DUSP16: variants seen among roughly 807,000 people sequenced by gnomAD.
DUSP16 encodes dual specificity protein phosphatase 16.
A neutral mutation model predicts 58.3 loss-of-function variants in DUSP16; 21 were observed. The observed-to-expected ratio is 0.36, with a 90% confidence interval of 0.26 to 0.52. The LOEUF (loss-of-function observed/expected upper bound fraction) is 0.52, where lower values mean the gene tolerates loss of function less well. Ranked by LOEUF, DUSP16 falls within the 20% of genes least tolerant of loss-of-function variation. DUSP16 has a pLI of 0.94. For missense variants in DUSP16, 726 were observed against 819.0 expected, an observed-to-expected ratio of 0.89 and a Z score of 1.39; for synonymous variants, 320 against 323.8, an observed-to-expected ratio of 0.99 and a Z score of 0.12.
chr12:12,486,898 G>C, intron 5 of DUSP16, 130 bp downstream of exon 5: 1 of 1,049,048 alleles, frequency 9.5e-7, no homozygotes. Flanking sequence ...TGCACCACGT[G>C]CTGTTTTCAG....
At position 12,514,947 on chromosome 12, in the gene DUSP16, C is replaced by G. The variant is rs150756542; in HGVS notation, c.367+4915G>C. Reference sequence around the variant, plus strand: ...GTGTTGGGAATACAGGCATAAGCCACCATGCCTGGCACCTTGTACAATTTC... The same window carrying G: ...GTGTTGGGAATACAGGCATAAGCCAGCATGCCTGGCACCTTGTACAATTTC... On this transcript the variant is annotated intron_variant, in intron 3 of 6. Coordinates refer to ENST00000298573, the MANE Select transcript of DUSP16 (RefSeq NM_030640.3). Among the ~76,000 whole-genome samples the G allele has an allele frequency of 9.4e-3, 1,439 of 152,276 alleles. 73 individuals are homozygous for G. The highest frequency in any genetic ancestry group is 0.088 in the Admixed American group (1,350 of 15,292).
In DUSP16 at chr12:12,500,649, C is replaced by T. The variant is rs1217184356; in HGVS notation, c.401G>A (p.Gly134Asp). 6.2e-7 allele frequency: 1 copy of T among 1,600,578 alleles called. No homozygotes were observed. The highest frequency in any genetic ancestry group is 1.7e-5 in the Admixed American group (1 of 57,240). ...TAGAGTGGATTTTCCTTCACAGAGG[C>T]CAGGGAAACAACGAGAGAACTCAGC... ...GFAEFSRCFP[G>D]LCEGKSTLVP... Residue 134 changes from glycine to aspartate, a missense_variant, in exon 4 of 7, where the codon GGC becomes GAC. Gly to Asp is a moderately conservative substitution (Grantham distance 94). Transcript: ENST00000298573.
At chr12:12,490,460 A>T (rs891147277) in intron 4 of DUSP16, among the ~76,000 whole-genome samples, 18 of 152,240 alleles carry the variant, frequency 1.2e-4, no homozygotes, top group African/African-American at 4.3e-4. Flanking sequence ...TACTAAATTA[A>T]ATATCATAAA....
intron 1 of DUSP16, among the ~76,000 whole-genome samples, chr12:12,542,388 G>GA (rs56822339): frequency 0.035 from 3,840 of 109,590 alleles, 76 homozygotes; most frequent in Middle Eastern, 0.066. Context: ...AAAGAAAAGA[G>GA]AAAAAAAAAA....
At chr12:12,521,533 G>A (rs1010269549) in intron 1 of DUSP16, 70 bp from the exon 2 acceptor site, 1 of 633,184 alleles carries the variant, frequency 1.6e-6, no homozygotes. Flanking sequence ...TCAGATTAGA[G>A]AGAGTGTATG....
At chr12:12,497,308 A>G (rs1413644115) in intron 4 of DUSP16, among the ~76,000 whole-genome samples, 3 of 152,370 alleles carry the variant, frequency 2.0e-5, no homozygotes, top group African/African-American at 7.2e-5. Context: ...TGTTGCAGAA[A>G]AAACAGGGAA....
chr12:12,513,042 A>G (rs527703895), intron 3 of DUSP16, among the ~76,000 whole-genome samples: 35 of 152,356 alleles, frequency 2.3e-4, no homozygotes, highest in African/African-American at 8.4e-4. Flanking sequence ...TGTCATCAGA[A>G]TCTAGATCCT....
chr12:12,484,511 G>A (rs1033048758), intron 5 of DUSP16, among the ~76,000 whole-genome samples: 1 of 152,136 alleles, frequency 6.6e-6, no homozygotes, highest in Non-Finnish European at 1.5e-5. Context: ...CATGACTTAA[G>A]AAAATCATGT....
At position 12,502,833 on chromosome 12, in the gene DUSP16, A is replaced by G. The variant is rs139161171; in HGVS notation, c.368-2151T>C. 2.4e-3 allele frequency among the ~76,000 whole-genome samples: 369 copies of G among 152,138 alleles called. 3 individuals carry two copies. Among genetic ancestry groups the G allele is most frequent in the African/African-American group, 8.5e-3 (354 of 41,512 alleles). On this transcript the variant is annotated intron_variant, in intron 3 of 6. Transcript: ENST00000298573. ...CCAGTTTCATTTCTTACCGTTTCCA[A>G]TGATGACCTCCAGCCACATAAAACT...
intron 3 of DUSP16, among the ~76,000 whole-genome samples, chr12:12,507,400 CAAGG>C (rs1944012579): frequency 6.6e-6 from 1 of 152,088 alleles, no homozygotes; most frequent in Non-Finnish European, 1.5e-5. Flanking sequence ...GAGCCGCCTT[CAAGG>C]AAGGCAGAAT....
intron 3 of DUSP16, among the ~76,000 whole-genome samples, chr12:12,505,745 G>A (rs1036928201): frequency 6.7e-6 from 1 of 149,844 alleles, no homozygotes; most frequent in Non-Finnish European, 1.5e-5. Context: ...GAACAGAAAG[G>A]AGAGAAAGAA....
At chr12:12,517,209 T>C (rs1404099655) in intron 3 of DUSP16, among the ~76,000 whole-genome samples, 1 of 152,244 alleles carries the variant, frequency 6.6e-6, no homozygotes, top group Non-Finnish European at 1.5e-5. Flanking sequence ...TGATGCTTTC[T>C]TTTCTCAAGG....
At chr12:12,522,501 T>C (rs1270204666) in intron 1 of DUSP16, among the ~76,000 whole-genome samples, 1 of 152,192 alleles carries the variant, frequency 6.6e-6, no homozygotes, top group Non-Finnish European at 1.5e-5. Context: ...CCATCTCTGC[T>C]TATATGAAAT....
intron 1 of DUSP16, among the ~76,000 whole-genome samples, chr12:12,527,781 T>C (rs573641419): frequency 6.6e-6 from 1 of 152,172 alleles, no homozygotes; most frequent in Non-Finnish European, 1.5e-5. Flanking sequence ...ACTATTTAGA[T>C]GATACTAGAC....
intron 1 of DUSP16, among the ~76,000 whole-genome samples, chr12:12,555,132 G>A (rs752889912): frequency 5.9e-5 from 9 of 152,184 alleles, no homozygotes; most frequent in Non-Finnish European, 1.3e-4. Flanking sequence ...TCAGCTGCTC[G>A]GGAAGAGAAG....
intron 1 of DUSP16, among the ~76,000 whole-genome samples, chr12:12,545,691 T>C (rs933194668): frequency 2.0e-5 from 3 of 152,172 alleles, no homozygotes; most frequent in Non-Finnish European, 2.9e-5. Context: ...AATGTAACCA[T>C]CACCACAATC....
At chr12:12,482,881 T>C (rs1943599294) in intron 5 of DUSP16, among the ~76,000 whole-genome samples, 1 of 152,090 alleles carries the variant, frequency 6.6e-6, no homozygotes, top group Admixed American at 6.5e-5. Flanking sequence ...TGGCTAATTT[T>C]TGAAAATTTT....
At chr12:12,548,642 A>AG (rs1555169683) in intron 1 of DUSP16, among the ~76,000 whole-genome samples, 2 of 142,932 alleles carry the variant, frequency 1.4e-5, no homozygotes, top group Non-Finnish European at 3.0e-5. Flanking sequence ...AAAAAAAAAA[A>AG]AAAAAGAAAA....
intron 4 of DUSP16, 110 bp from the exon 5 acceptor site, chr12:12,487,297 A>G (rs1048819086): frequency 1.6e-4 from 207 of 1,262,442 alleles, no homozygotes; most frequent in Non-Finnish European, 2.1e-4. Flanking sequence ...TCCTTGAAAT[A>G]TAATTCATTC....
Sources: gnomAD v4.1 joint callset for allele counts (sites outside exome capture counted in the v4.1 genomes callset) on GRCh38, gnomAD v4.1.1 for gene constraint, MANE v1.5 for transcripts, NCBI Gene and HGNC (gene_info 2026-07-23, HGNC 2026-07-21) for gene names.